Variants in PPP1R21 observed in about 807,000 individuals in gnomAD.
PPP1R21 encodes the protein KLRAQ motif containing 1.
In PPP1R21, 85 loss-of-function variants were observed where a neutral mutation model predicts 112.8. The ratio of observed to expected loss-of-function variants is 0.75; its 90% CI spans 0.63 to 0.90. The LOEUF (loss-of-function observed/expected upper bound fraction) is 0.90, where lower values mean the gene tolerates loss of function less well. Among genes scored for constraint, PPP1R21 ranks in the 40% least tolerant of loss-of-function variants. PPP1R21 has a pLI of 0.00. For synonymous variants in PPP1R21, 381 were observed against 322.3 expected, an observed-to-expected ratio of 1.18 and a Z score of -1.95; for missense variants, 1,199 against 901.5, an observed-to-expected ratio of 1.33 and a Z score of -4.23.
At chr2:48,505,925 G>A (rs543926041) in intron 18 of PPP1R21, among the ~76,000 whole-genome samples, 28 of 152,190 alleles carry the variant, frequency 1.8e-4, no homozygotes, top group African/African-American at 2.6e-4. Context: ...GTTAGTCCTC[G>A]CAGTGGGCAG....
chr2:48,477,271 A>T (rs1007255192), intron 12 of PPP1R21, among the ~76,000 whole-genome samples: 2 of 151,882 alleles, frequency 1.3e-5, no homozygotes, highest in African/African-American at 4.8e-5. Flanking sequence ...GGTGTGCGCC[A>T]CTGCACTTGG....
chr2:48,479,196 TCAGAA>T (rs1668893541), intron 12 of PPP1R21, among the ~76,000 whole-genome samples: 1 of 152,168 alleles, frequency 6.6e-6, no homozygotes, highest in Non-Finnish European at 1.5e-5. Context: ...CCACACTTGC[TCAGAA>T]TTTAGCTTCA....
chr2:48,469,261 T>TTGTGTGTGTGTGTGTG (rs745866100), intron 9 of PPP1R21, among the ~76,000 whole-genome samples: 11 of 46,206 alleles, frequency 2.4e-4, no homozygotes, highest in Non-Finnish European at 5.1e-4. Context: ...TATATTTGAA[T>TTGTGTGTGTGTGTGTG]TGTGTGTGTG....
chr2:48,498,702 G>C lies in PPP1R21; in HGVS notation c.1902G>C (p.Lys634Asn), dbSNP rs1669963642. 6.2e-7 allele frequency: 1 copy of C among 1,614,148 alleles called. No homozygotes were observed. Among genetic ancestry groups the C allele is most frequent in the Non-Finnish European group, 8.5e-7 (1 of 1,179,986 alleles). ...NTAGQDEATA[K>N]AVLEPIQSTS... is the part of the protein sequence containing the mutation. Reference sequence around the variant, plus strand: ...CTGGCCAGGATGAAGCCACAGCTAAGGCTGTGTTGGAGCCCATTCAGAGCA... The same window carrying C: ...CTGGCCAGGATGAAGCCACAGCTAACGCTGTGTTGGAGCCCATTCAGAGCA... The change falls in exon 17 of 22, where the codon AAG becomes AAC. Residue 634 changes from lysine to asparagine, a missense_variant. Lys to Asn is a moderately conservative substitution (Grantham distance 94, BLOSUM62 0). Coordinates refer to ENST00000294952, the MANE Select transcript of PPP1R21 (RefSeq NM_001135629.3).
At position 48,486,758 on chromosome 2, in the gene PPP1R21, G is replaced by A; in HGVS notation, c.1446G>A (p.Lys482=). 1 of 1,611,210 alleles carries A rather than the reference G, an allele frequency of 6.2e-7. No homozygotes were observed. The highest frequency in any genetic ancestry group is 8.5e-7 in the Non-Finnish European group (1 of 1,178,848). The change falls in exon 14 of 22, where the codon AAG becomes AAA. Residue 482 remains lysine (K), a splice_region_variant and synonymous_variant. Coordinates refer to ENST00000294952, the MANE Select transcript of PPP1R21 (RefSeq NM_001135629.3). ...TGGCATTAACAAATGGAGCAGGAAA[G>A]GTAATTCTCTTCTGGCGTATATTGA... ...SVVALTNGAG[K]IASFFSNNLD...
At chr2:48,460,751 A>G (rs956269321) in intron 6 of PPP1R21, among the ~76,000 whole-genome samples, 26 of 152,338 alleles carry the variant, frequency 1.7e-4, no homozygotes, top group African/African-American at 5.5e-4. Context: ...GAAGGCTAAT[A>G]CAGTATGTAC....
rs768501306 is a variant in PPP1R21, at chr2:48,451,124, G to A, written c.126+48G>A. ...TGTGAGGGTTAAGTTAGCATTTGGT[G>A]TTGCTCAAAGCAGGTTCATTGGGTT... On this transcript the variant is annotated intron_variant, in intron 2 of 21. Coordinates refer to ENST00000294952, the MANE Select transcript of PPP1R21 (RefSeq NM_001135629.3). 6 of 1,491,340 alleles carry A rather than the reference G, an allele frequency of 4.0e-6. No homozygotes were observed. The East Asian group carries it at 1.4e-4, about 34-fold the overall frequency. 92.4% of individuals were successfully genotyped at this position (1,491,340 alleles called of 1,614,324 possible).
chr2:48,494,077 A>AG lies in PPP1R21; in HGVS notation c.1600-1602_1600-1601insG, dbSNP rs1669695468. Among the ~76,000 whole-genome samples the AG allele has an allele frequency of 4.0e-5, 6 of 149,264 alleles. No individual in the cohort carries two copies. In the South Asian group the frequency reaches 1.1e-3, roughly 27 times the overall value. ...TCTCTCCAAAAAAAAAAAAAAAAAA[A>AG]AAAATAGCCTGGCATGGTGGTGCAT... On this transcript the variant is annotated intron_variant, in intron 15 of 21. Coordinates refer to ENST00000294952, the MANE Select transcript of PPP1R21 (RefSeq NM_001135629.3).
At chr2:48,451,967 C>G (rs1667494750) in intron 2 of PPP1R21, among the ~76,000 whole-genome samples, 1 of 152,190 alleles carries the variant, frequency 6.6e-6, no homozygotes, top group African/African-American at 2.4e-5. Flanking sequence ...GTCTCCTCCT[C>G]AGGTGCTGTT....
intron 13 of PPP1R21, among the ~76,000 whole-genome samples, chr2:48,486,123 A>G (rs1048124216): frequency 6.6e-6 from 1 of 151,938 alleles, no homozygotes; most frequent in African/African-American, 2.4e-5. Flanking sequence ...GGGGCGTCCA[A>G]TCCGTATTTG....
intron 8 of PPP1R21, 24 bp downstream of exon 8, chr2:48,465,013 TA>T: frequency 6.5e-7 from 1 of 1,542,946 alleles, no homozygotes; most frequent in Non-Finnish European, 8.7e-7. Flanking sequence ...TACATGTTTT[TA>T]TTTTCAGTTA....
intron 13 of PPP1R21, among the ~76,000 whole-genome samples, chr2:48,483,094 T>G (rs1669100369): frequency 6.6e-6 from 1 of 152,054 alleles, no homozygotes; most frequent in Admixed American, 6.6e-5. Context: ...GCTCCATCCA[T>G]GTACCTGCAA....
At chr2:48,447,051 T>G (rs1667280913) in intron 1 of PPP1R21, among the ~76,000 whole-genome samples, 2 of 152,162 alleles carry the variant, frequency 1.3e-5, no homozygotes. Flanking sequence ...GCTCCCAGCC[T>G]ATACAGAAAT....
chr2:48,487,583 C>G (rs1183110966), intron 14 of PPP1R21, among the ~76,000 whole-genome samples: 2 of 151,412 alleles, frequency 1.3e-5, no homozygotes, highest in Non-Finnish European at 1.5e-5. Context: ...AGCAACATGT[C>G]AAGACCTCAT....
intron 2 of PPP1R21, 37 bp from the exon 3 acceptor site, chr2:48,454,558 A>T (rs748895155): frequency 1.9e-6 from 3 of 1,612,558 alleles, no homozygotes; most frequent in Admixed American, 3.3e-5. Flanking sequence ...CCTTACAGCT[A>T]AACTGTGAGG....
chr2:48,458,094 G>A, intron 3 of PPP1R21, 32 bp from the exon 4 acceptor site: 2 of 1,433,294 alleles, frequency 1.4e-6, no homozygotes, highest in Non-Finnish European at 2.0e-6. Context: ...AAGGATGAAA[G>A]TTATGTGGAC....
At position 48,461,386 on chromosome 2, in the gene PPP1R21, C is replaced by G. The variant is rs566237689; in HGVS notation, c.694+154C>G. On this transcript the variant is annotated intron_variant, in intron 7 of 21. Coordinates refer to ENST00000294952, the MANE Select transcript of PPP1R21 (RefSeq NM_001135629.3). ...TGTTCATTTGATCAGCCGTGGTAAT[C>G]ATATTTAACAGGAAGATTTTAAATT... 5.3e-5 allele frequency among the ~76,000 whole-genome samples: 8 copies of G among 152,242 alleles called. No homozygotes were observed. The South Asian group carries it at 1.7e-3, about 32-fold the overall frequency.
At chr2:48,503,120 C>T (rs1265647854) in intron 17 of PPP1R21, among the ~76,000 whole-genome samples, 1 of 152,060 alleles carries the variant, frequency 6.6e-6, no homozygotes, top group Non-Finnish European at 1.5e-5. Flanking sequence ...AAAGTAAAAG[C>T]ACAGAACAAT....
At chr2:48,498,848 C>A in intron 17 of PPP1R21, 113 bp downstream of exon 17, 1 of 1,083,298 alleles carries the variant, frequency 9.2e-7, no homozygotes, top group Non-Finnish European at 1.3e-6. Context: ...TATCAAAATA[C>A]CATAAGCTGA....
Sources: allele counts gnomAD v4.1 joint callset (sites outside exome capture counted in the v4.1 genomes callset), GRCh38; gene constraint gnomAD v4.1.1; transcripts MANE v1.5; gene names NCBI Gene and HGNC (gene_info 2026-07-23, HGNC 2026-07-21).